USP6NL: variants seen among roughly 807,000 people sequenced by gnomAD.
USP6NL encodes the protein USP6 N-terminal-like protein.
In USP6NL, 26 loss-of-function variants were observed where a neutral mutation model predicts 61.9. The observed-to-expected ratio is 0.42, with a 90% CI of 0.31 to 0.58. USP6NL has a LOEUF of 0.58. Ranked by LOEUF, USP6NL falls within the 20% of genes least tolerant of loss-of-function variation. The pLI is 0.16. For missense variants in USP6NL, 1,114 were observed against 1,034.3 expected (o/e 1.08, Z -1.06); for synonymous variants, 432 against 390.1 (o/e 1.11, Z -1.27).
At chr10:11,606,804 T>C (rs950682159) in intron 1 of USP6NL, among the ~76,000 whole-genome samples, 7 of 152,064 alleles carry the variant, frequency 4.6e-5, no homozygotes, top group African/African-American at 1.7e-4. Context: ...TCTTTTTTTT[T>C]TTTTTGACAC....
chr10:11,593,028 C>T (rs902597302), intron 2 of USP6NL, among the ~76,000 whole-genome samples: 1 of 152,184 alleles, frequency 6.6e-6, no homozygotes, highest in Admixed American at 6.5e-5. Flanking sequence ...AGAAACATTT[C>T]ATATCGAAAA....
At position 11,489,392 on chromosome 10, in the gene USP6NL, T is replaced by G. The variant is rs2304964; in HGVS notation, c.544-170A>C. Among the ~76,000 whole-genome samples, 25 of 152,340 alleles carry G rather than the reference T, an allele frequency of 1.6e-4. No individual in the cohort carries two copies. In the East Asian group the frequency reaches 4.2e-3, roughly 26 times the overall value. On this transcript the variant is annotated intron_variant, in intron 9 of 14. Transcript: ENST00000609104. This position sits in a 1 kb window ranked among gnomAD's most constrained non-coding sequence, Gnocchi z 5.7. ...TACAGTATTATGCCACATAAGAGAA[T>G]AAAATTGTGCTAAAAAATAAATGCA...
At chr10:11,502,258 C>CCA (rs1834233697) in intron 6 of USP6NL, among the ~76,000 whole-genome samples, 1 of 96,928 alleles carries the variant, frequency 1.0e-5, no homozygotes, top group Admixed American at 1.1e-4. Context: ...GACTCCATCT[C>CCA]AAAAAAAAAA....
chr10:11,524,876 C>A (rs1375731621), intron 4 of USP6NL, among the ~76,000 whole-genome samples: 1 of 152,074 alleles, frequency 6.6e-6, no homozygotes, highest in Non-Finnish European at 1.5e-5. Context: ...ATTTTAACTG[C>A]TTTACTTTAT....
rs559154512 is a variant in USP6NL at position 11,596,543 on chromosome 10, G to A, written c.4+1088C>T. ...GGAGGCTGAGGCAGGAGAATGGCGC[G>A]AACCCAGGAGGTGGAGCTTGCAGTG... On this transcript the variant is annotated intron_variant, in intron 2 of 14. Transcript: ENST00000609104. The surrounding 1 kb of genome is among the most constrained non-coding windows in gnomAD (Gnocchi z 4.1). 8.6e-5 allele frequency among the ~76,000 whole-genome samples: 13 copies of A among 151,298 alleles called. No homozygotes were observed. The highest frequency in any genetic ancestry group is 2.7e-4 in the African/African-American group (11 of 41,122).
At chr10:11,577,098 C>T (rs1351795816) in intron 2 of USP6NL, among the ~76,000 whole-genome samples, 1 of 148,872 alleles carries the variant, frequency 6.7e-6, no homozygotes, top group Non-Finnish European at 1.5e-5. Context: ...GGCTCTGTCA[C>T]CCAGGCTGGA....
At chr10:11,551,998 A>G (rs1836508210) in intron 2 of USP6NL, among the ~76,000 whole-genome samples, 1 of 152,186 alleles carries the variant, frequency 6.6e-6, no homozygotes, top group Non-Finnish European at 1.5e-5. Context: ...TTTCCACTAA[A>G]GTAAATAATA....
Position 11,589,746 on chromosome 10 carries a change from C to T in USP6NL, c.4+7885G>A, listed in dbSNP as rs1046356719. Among the ~76,000 whole-genome samples the T allele has an allele frequency of 1.6e-4, 24 of 152,284 alleles. No individual in the cohort carries two copies. The highest frequency in any genetic ancestry group is 5.5e-4 in the African/African-American group (23 of 41,560). ...CTGTATTTTTAAAAAGACATTGTGA[C>T]GCCAAATGCCCCACAATATAAATGT... On this transcript the variant is annotated intron_variant, in intron 2 of 14. Coordinates refer to ENST00000609104, the MANE Select transcript of USP6NL (RefSeq NM_014688.5). The surrounding 1 kb of genome is among the most constrained non-coding windows in gnomAD (Gnocchi z 4.7).
intron 6 of USP6NL, among the ~76,000 whole-genome samples, chr10:11,504,831 T>G (rs138716652): frequency 1.1e-3 from 174 of 152,246 alleles, no homozygotes; most frequent in African/African-American, 3.9e-3. Flanking sequence ...CTGCTAACAG[T>G]GCTGAGCACC....
chr10:11,535,737 G>A (rs759572259), intron 2 of USP6NL, among the ~76,000 whole-genome samples: 2 of 152,112 alleles, frequency 1.3e-5, no homozygotes, highest in Non-Finnish European at 2.9e-5. Context: ...ATTCACTGGC[G>A]CCTCTTAGTT....
At chr10:11,534,404 C>T (rs142333597) in intron 2 of USP6NL, among the ~76,000 whole-genome samples, 2 of 152,356 alleles carry the variant, frequency 1.3e-5, no homozygotes, top group East Asian at 3.8e-4. Context: ...GGATCCGTAA[C>T]ATTGCCGCAG....
intron 1 of USP6NL, among the ~76,000 whole-genome samples, chr10:11,603,756 A>G: frequency 6.6e-6 from 1 of 152,216 alleles, no homozygotes; most frequent in East Asian, 1.9e-4. Context: ...AGCCATCTGC[A>G]GCTAACAGAA....
chr10:11,494,141 T>A (rs898240172), intron 7 of USP6NL, among the ~76,000 whole-genome samples: 11 of 152,230 alleles, frequency 7.2e-5, no homozygotes, highest in Admixed American at 7.2e-4. Context: ...TGTTTTAGAA[T>A]TCTAAGTTGG....
intron 7 of USP6NL, among the ~76,000 whole-genome samples, chr10:11,494,564 G>A (rs191549935): frequency 2.6e-5 from 4 of 152,222 alleles, no homozygotes; most frequent in African/African-American, 7.2e-5. Flanking sequence ...CTACCAATGC[G>A]CGGAGCCCAG....
chr10:11,555,451 T>TATATAG (rs1427219382), intron 2 of USP6NL, among the ~76,000 whole-genome samples: 12 of 60,992 alleles, frequency 2.0e-4, no homozygotes, highest in East Asian at 9.7e-4. Flanking sequence ...TATATATATA[T>TATATAG]AGAGAGAGAG....
intron 14 of USP6NL, among the ~76,000 whole-genome samples, chr10:11,473,221 A>AAAAAATACT (rs1245806717): frequency 0.014 from 2,148 of 152,316 alleles, 56 homozygotes; most frequent in African/African-American, 0.049. Flanking sequence ...TTAGGATTTC[A>AAAAAATACT]TTTATTCAAT....
chr10:11,485,607 T>G lies in USP6NL; in HGVS notation c.759+210A>C, dbSNP rs1053374067. On this transcript the variant is annotated intron_variant, in intron 11 of 14. Coordinates refer to ENST00000609104, the MANE Select transcript of USP6NL (RefSeq NM_014688.5). This position sits in a 1 kb window ranked among gnomAD's most constrained non-coding sequence, Gnocchi z 4.8. ...TTTGTATCATTAGCTTCAAAGAAGT[T>G]CAAATCCCTCAGTAAGAACTGTGAT... is the stretch of plus-strand genomic sequence containing the variant. Among the ~76,000 whole-genome samples, 48 of 152,216 alleles carry G rather than the reference T, an allele frequency of 3.2e-4. No individual in the cohort carries two copies. The highest frequency in any genetic ancestry group is 1.1e-3 in the African/African-American group (46 of 41,456).
chr10:11,539,149 C>T (rs757857410), intron 2 of USP6NL, among the ~76,000 whole-genome samples: 9 of 152,222 alleles, frequency 5.9e-5, no homozygotes, highest in Middle Eastern at 3.2e-3. Context: ...AGCCCCTGTC[C>T]CTGGGTGCAG....
At position 11,553,249 on chromosome 10, in the gene USP6NL, G is replaced by A. The variant is rs538651203; in HGVS notation, c.5-25682C>T. Reference sequence around the variant, plus strand: ...AAAAAGCTGTTTCAAGACAGTGTACGATAATCCCAAGTGTGATCTATTGGG... The same window carrying A: ...AAAAAGCTGTTTCAAGACAGTGTACAATAATCCCAAGTGTGATCTATTGGG... On this transcript the variant is annotated intron_variant, in intron 2 of 14. Transcript: ENST00000609104. This position sits in a 1 kb window ranked among gnomAD's most constrained non-coding sequence, Gnocchi z 4.8. Among the ~76,000 whole-genome samples the A allele has an allele frequency of 2.0e-5, 3 of 152,284 alleles. No individual in the cohort carries two copies. Among genetic ancestry groups the A allele is most frequent in the South Asian group, 2.1e-4 (1 of 4,824 alleles).
Sources: gnomAD v4.1 joint callset for allele counts (sites outside exome capture counted in the v4.1 genomes callset) on GRCh38, gnomAD v4.1.1 for gene constraint, Gnocchi (gnomAD v3.1) non-coding constraint, MANE v1.5 for transcripts, NCBI Gene and HGNC (gene_info 2026-07-23, HGNC 2026-07-21) for gene names.